ASMTL: variants seen among roughly 807,000 people sequenced by gnomAD.
ASMTL encodes the protein acetylserotonin O-methyltransferase like.
A neutral mutation model predicts 60.3 loss-of-function variants in ASMTL; 57 were observed. The ratio of observed to expected loss-of-function variants is 0.95; its 90% CI spans 0.76 to 1.18. The LOEUF is 1.18. ASMTL is among the 50% of genes most tolerant of loss of function. The probability of loss-of-function intolerance (pLI) is 0.00; values close to 1 mark genes in which losing one functional copy is unlikely to be tolerated. For missense variants in ASMTL, 981 were observed against 852.6 expected (o/e 1.15, Z -1.88); for synonymous variants, 419 against 373.0 (o/e 1.12, Z -1.42).
chrX:1,424,565 C>T (rs1229638859), intron 8 of ASMTL, among the ~76,000 whole-genome samples: 8 of 151,266 alleles, frequency 5.3e-5, no homozygotes, highest in African/African-American at 1.2e-4. Context: ...TCCATCTGTC[C>T]GTCCATCCAT....
chrX:1,420,761 CAG>C (rs1435844154), intron 9 of ASMTL, among the ~76,000 whole-genome samples: 11 of 152,306 alleles, frequency 7.2e-5, no homozygotes, highest in South Asian at 2.1e-4. Context: ...AAAGAAGAAA[CAG>C]GGCATTCATT....
At chrX:1,414,853 G>T (rs1363332797) in intron 11 of ASMTL, among the ~76,000 whole-genome samples, 1 of 152,180 alleles carries the variant, frequency 6.6e-6, no homozygotes, top group East Asian at 1.9e-4. Flanking sequence ...CTCTGGGGGA[G>T]GGTTGTGGAG....
Position 1,406,461 on chromosome X carries a change from T to C in ASMTL, c.1646-2972A>G, listed in dbSNP as rs184606243. On this transcript the variant is annotated intron_variant, in intron 12 of 12. Coordinates refer to ENST00000381317, the MANE Select transcript of ASMTL (RefSeq NM_004192.4). Reference sequence around the variant, plus strand: ...GAGGGATGGGTGAATAGATGGTAGATGATGGGTACGTAGATAGATGAGTGG... The same window carrying C: ...GAGGGATGGGTGAATAGATGGTAGACGATGGGTACGTAGATAGATGAGTGG... 1.0e-4 allele frequency among the ~76,000 whole-genome samples: 15 copies of C among 144,884 alleles called. 1 individual carries two copies. The highest frequency in any genetic ancestry group is 3.9e-4 in the African/African-American group (15 of 38,464).
chrX:1,439,008 G>A, intron 3 of ASMTL, 89 bp downstream of exon 3: 1 of 1,381,428 alleles, frequency 7.2e-7, no homozygotes, highest in East Asian at 2.3e-5. Flanking sequence ...TGTCTTAAGG[G>A]GAATGTACAA....
chrX:1,449,864 A>ATG (rs1478260208), intron 1 of ASMTL, among the ~76,000 whole-genome samples: 2 of 110,546 alleles, frequency 1.8e-5, no homozygotes, highest in Admixed American at 8.8e-5. Context: ...ACCAGTAACT[A>ATG]CCCCCATCAC....
intron 12 of ASMTL, 68 bp from the exon 13 acceptor site, chrX:1,403,557 GA>G: frequency 2.8e-6 from 4 of 1,436,144 alleles, no homozygotes; most frequent in East Asian, 4.5e-5. Flanking sequence ...GGACACAGGG[GA>G]CACAGCAGGC....
At chrX:1,429,363 A>G (rs2090706159) in intron 6 of ASMTL, among the ~76,000 whole-genome samples, 2 of 151,614 alleles carry the variant, frequency 1.3e-5, no homozygotes, top group South Asian at 4.2e-4. Context: ...ACACTCAGCT[A>G]GTTTTATCAT....
chrX:1,432,344 T>A lies in ASMTL; in HGVS notation c.434A>T (p.Tyr145Phe). ...HQLDTRVSEF[Y>F]EETKVKFSEL... ...CGAGAACTTCACCTTCGTTTCCTCG[T>A]AGAATTCCGAGACCCTGGTGTCCAG... is the stretch of plus-strand genomic sequence containing the variant. Residue 145 changes from tyrosine (Y) to phenylalanine (F), a missense_variant, in exon 6 of 13, where the codon TAC becomes TTC. Transcript: ENST00000381317. 6.2e-7 allele frequency: 1 copy of A among 1,613,100 alleles called. No individual in the cohort carries two copies. The highest frequency in any genetic ancestry group is 8.5e-7 in the Non-Finnish European group (1 of 1,179,710).
intron 6 of ASMTL, among the ~76,000 whole-genome samples, chrX:1,431,527 T>A (rs1157823208): frequency 7.0e-6 from 1 of 142,366 alleles, no homozygotes; most frequent in South Asian, 2.2e-4. Context: ...ATCATTAAAT[T>A]TCAATCAAAA....
At chrX:1,419,185 G>T (rs1276178821) in intron 9 of ASMTL, 71 bp from the exon 10 acceptor site, 1 of 1,569,170 alleles carries the variant, frequency 6.4e-7, no homozygotes, top group Non-Finnish European at 8.7e-7. Context: ...CTCCCTGGGG[G>T]TCGGGGGGAG....
chrX:1,447,615 C>T (rs1480175057), intron 1 of ASMTL, among the ~76,000 whole-genome samples: 1 of 151,826 alleles, frequency 6.6e-6, no homozygotes, highest in African/African-American at 2.4e-5. Flanking sequence ...CACACACCGC[C>T]ATCTTGGATA....
At position 1,421,640 on chromosome X, in the gene ASMTL, G is replaced by A. The variant is rs376384824; in HGVS notation, c.1245+18C>T. ...ATGCACGCTAGACGGAAAGGTGTCC[G>A]CGGGGGTGTTATGCTACCTGGAACA... On this transcript the variant is annotated intron_variant, in intron 9 of 12. Coordinates refer to ENST00000381317, the MANE Select transcript of ASMTL (RefSeq NM_004192.4). 1.1e-4 allele frequency: 170 copies of A among 1,613,688 alleles called. 1 individual carries two copies. The highest frequency in any genetic ancestry group is 1.3e-4 in the South Asian group (12 of 91,058).
chrX:1,423,620 C>G (rs2090533796), intron 8 of ASMTL, among the ~76,000 whole-genome samples: 1 of 147,366 alleles, frequency 6.8e-6, no homozygotes, highest in African/African-American at 2.7e-5. Context: ...ATCTGCTGAT[C>G]CACCCATTCA....
intron 11 of ASMTL, among the ~76,000 whole-genome samples, chrX:1,416,784 C>T (rs2090294157): frequency 6.8e-6 from 1 of 147,434 alleles, no homozygotes; most frequent in Non-Finnish European, 1.5e-5. Context: ...GACGTACACA[C>T]AAGCACAGCA....
intron 11 of ASMTL, among the ~76,000 whole-genome samples, chrX:1,417,016 G>A (rs2090307640): frequency 3.5e-5 from 2 of 56,476 alleles, no homozygotes; most frequent in Admixed American, 5.2e-4. Context: ...CACAGACTCA[G>A]AAACACACAG....
At chrX:1,440,131 G>T (rs2091073738) in intron 2 of ASMTL, among the ~76,000 whole-genome samples, 1 of 150,182 alleles carries the variant, frequency 6.7e-6, no homozygotes, top group African/African-American at 2.5e-5. Flanking sequence ...CTGTCGCCCA[G>T]GCTGGAGGGC....
At position 1,428,064 on chromosome X, in the gene ASMTL, T is replaced by C. The variant is rs1402863772; in HGVS notation, c.567A>G (p.Val189=). The change falls in exon 7 of 13, where the codon GTA becomes GTG. Residue 189 remains valine (V), a synonymous_variant. Coordinates refer to ENST00000381317, the MANE Select transcript of ASMTL (RefSeq NM_004192.4). ...CCACCACGTTCAGAAAGTCCCCGTG[T>C]ACGGACTCCACCAGCATGCCGCCCA... ...QALGGMLVES[V]HGDFLNVVGF... is the part of the protein sequence containing the mutation. 6.2e-7 allele frequency: 1 copy of C among 1,613,420 alleles called. No individual in the cohort carries two copies. Among genetic ancestry groups the C allele is most frequent in the Non-Finnish European group, 8.5e-7 (1 of 1,179,724 alleles).
chrX:1,429,142 G>T (rs1463239342), intron 6 of ASMTL, among the ~76,000 whole-genome samples: 1 of 151,292 alleles, frequency 6.6e-6, no homozygotes, highest in African/African-American at 2.4e-5. Flanking sequence ...TGATGCGCCT[G>T]CCTCGGCCCC....
intron 6 of ASMTL, 112 bp downstream of exon 6, chrX:1,432,157 C>A: frequency 3.6e-6 from 3 of 843,086 alleles, no homozygotes; most frequent in Non-Finnish European, 5.7e-6. Context: ...TGCCACACGG[C>A]CCCCGGAGCG....
Sources: allele counts gnomAD v4.1 joint callset (sites outside exome capture counted in the v4.1 genomes callset), GRCh38; gene constraint gnomAD v4.1.1; transcripts MANE v1.5; gene names NCBI Gene and HGNC (gene_info 2026-07-23, HGNC 2026-07-21).